Variants in FUT9 observed in about 807,000 individuals in gnomAD.
The protein encoded by FUT9 is fucosyltransferase 9.
Under a neutral mutation model 29.7 loss-of-function variants are expected in FUT9, and 15 were observed. The observed-to-expected ratio is 0.51, with a 90% CI of 0.34 to 0.78. FUT9 has a LOEUF of 0.78. Ranked by LOEUF, FUT9 falls within the 30% of genes least tolerant of loss-of-function variation. The pLI is 0.01. For synonymous variants in FUT9, 169 were observed against 153.7 expected (o/e 1.10, Z -0.74); for missense variants, 319 against 425.4 (o/e 0.75, Z 2.20).
chr6:96,035,184 G>C (rs779047615), intron 1 of FUT9, among the ~76,000 whole-genome samples: 1 of 151,514 alleles, frequency 6.6e-6, no homozygotes, highest in Non-Finnish European at 1.5e-5. Context: ...TTACACATAT[G>C]AGGAGAGGGA....
chr6:96,137,467 T>C (rs1477094928), intron 2 of FUT9, among the ~76,000 whole-genome samples: 2 of 152,024 alleles, frequency 1.3e-5, no homozygotes, highest in African/African-American at 4.8e-5. Context: ...TCCAAGTCCA[T>C]AATTGTGAGC....
intron 1 of FUT9, among the ~76,000 whole-genome samples, chr6:96,061,810 A>G (rs941822772): frequency 1.3e-5 from 2 of 152,182 alleles, no homozygotes; most frequent in Non-Finnish European, 2.9e-5. Flanking sequence ...ATCATCAGCA[A>G]ACTCAGAAAG....
chr6:96,154,439 A>C (rs1408462676), intron 2 of FUT9, among the ~76,000 whole-genome samples: 1 of 152,210 alleles, frequency 6.6e-6, no homozygotes, highest in Non-Finnish European at 1.5e-5. Context: ...TTAGTTGAAA[A>C]TTATAAGGCA....
At chr6:96,145,711 G>T (rs1444532645) in intron 2 of FUT9, among the ~76,000 whole-genome samples, 1 of 152,124 alleles carries the variant, frequency 6.6e-6, no homozygotes, top group African/African-American at 2.4e-5. Context: ...ATGTGCAAAG[G>T]CCTGAGGCAG....
In FUT9 at chr6:96,030,460, C is replaced by G. The variant is rs573671906; in HGVS notation, c.-98+14248C>G. ...GCAAAATGAAAACAGAACAAACAAA[C>G]AAAATCATGACCTTACCAAGTCCGA... On this transcript the variant is annotated intron_variant, in intron 1 of 2. Transcript: ENST00000302103. Among the ~76,000 whole-genome samples, 8 of 151,598 alleles carry G rather than the reference C, an allele frequency of 5.3e-5. No individual in the cohort carries two copies. In the East Asian group the frequency reaches 1.4e-3, roughly 26 times the overall value.
chr6:96,052,329 C>T (rs1770685525), intron 1 of FUT9, among the ~76,000 whole-genome samples: 1 of 152,006 alleles, frequency 6.6e-6, no homozygotes, highest in Non-Finnish European at 1.5e-5. Context: ...ACAGTCAAAC[C>T]ATATCAGAAA....
intron 2 of FUT9, among the ~76,000 whole-genome samples, chr6:96,167,161 A>T (rs1773029543): frequency 6.6e-6 from 1 of 152,214 alleles, no homozygotes. Context: ...AAGCAATGTA[A>T]TTAAGAATAA....
chr6:96,106,213 C>CCCTTCCTTCCTTCCTTCCTTCCTTCCTT (rs58462407), intron 1 of FUT9, among the ~76,000 whole-genome samples: 20,325 of 136,964 alleles, frequency 0.15, 2,239 homozygotes, highest in Non-Finnish European at 0.19. Flanking sequence ...AATCCATCAA[C>CCCTTCCTTCCTTCCTTCCTTCCTTCCTT]CCTTCCTTCC....
intron 2 of FUT9, among the ~76,000 whole-genome samples, chr6:96,140,668 G>A (rs144111312): frequency 2.1e-3 from 322 of 152,244 alleles, no homozygotes; most frequent in African/African-American, 6.9e-3. Flanking sequence ...GCAAAAGAAC[G>A]TATGCAAGAG....
chr6:96,062,219 T>C (rs1029313484), intron 1 of FUT9, among the ~76,000 whole-genome samples: 1 of 151,904 alleles, frequency 6.6e-6, no homozygotes, highest in Non-Finnish European at 1.5e-5. Flanking sequence ...TCTGAAAATA[T>C]ATATAAAATA....
chr6:96,054,114 A>G (rs1175348089), intron 1 of FUT9, among the ~76,000 whole-genome samples: 1 of 152,170 alleles, frequency 6.6e-6, no homozygotes, highest in Non-Finnish European at 1.5e-5. Flanking sequence ...CAGTTTCATC[A>G]AATGACCATA....
chr6:96,195,045 G>A (rs1279704943), intron 2 of FUT9, among the ~76,000 whole-genome samples: 2 of 152,152 alleles, frequency 1.3e-5, no homozygotes, highest in Non-Finnish European at 2.9e-5. Context: ...CAAACTAAAA[G>A]AGGCTAATCC....
At chr6:96,111,843 G>A (rs2127960968) in intron 1 of FUT9, among the ~76,000 whole-genome samples, 1 of 152,184 alleles carries the variant, frequency 6.6e-6, no homozygotes, top group South Asian at 2.1e-4. Flanking sequence ...ATATATGGAT[G>A]TCTATGCCTC....
At position 96,214,584 on chromosome 6, in the gene FUT9, T is replaced by G. The variant is rs1292987321; in HGVS notation, c.*10349T>G. On this transcript the variant is annotated 3_prime_UTR_variant, in exon 3 of 3. Transcript: ENST00000302103. ...TTATTCCATTTAATGAAGGGTTTGT[T>G]TTGTTTAGCTTTTCTCTTTTATTCA... The G allele has an allele frequency of 6.0e-6, 1 of 166,882 alleles. No homozygotes were observed. The highest frequency in any genetic ancestry group is 2.4e-5 in the African/African-American group (1 of 41,450). The allele number at this position is 166,882 out of a possible 1,614,324, so 10.3% of individuals were successfully genotyped here.
intron 1 of FUT9, among the ~76,000 whole-genome samples, chr6:96,055,703 C>CTTTTTT (rs760829368): frequency 2.9e-5 from 3 of 103,642 alleles, no homozygotes; most frequent in African/African-American, 1.4e-4. Context: ...TTTTCTATTT[C>CTTTTTT]TTTTTCTTTT....
At chr6:96,078,671 C>T (rs546944882) in intron 1 of FUT9, among the ~76,000 whole-genome samples, 328 of 152,010 alleles carry the variant, frequency 2.2e-3, no homozygotes, top group African/African-American at 6.4e-3. Context: ...GAGCCCGACT[C>T]GGCCTCCCAA....
intron 2 of FUT9, among the ~76,000 whole-genome samples, chr6:96,119,711 AT>A (rs1235463041): frequency 2.6e-5 from 4 of 152,134 alleles, no homozygotes; most frequent in Admixed American, 6.6e-5. Flanking sequence ...ATCTGCTGCA[AT>A]TTTTATAAGT....
At chr6:96,038,393 C>A (rs1294821946) in intron 1 of FUT9, among the ~76,000 whole-genome samples, 1 of 152,100 alleles carries the variant, frequency 6.6e-6, no homozygotes, top group Non-Finnish European at 1.5e-5. Context: ...CAAAACAAGC[C>A]AAAACCCATT....
At chr6:96,157,724 A>T (rs1260872436) in intron 2 of FUT9, among the ~76,000 whole-genome samples, 1 of 152,184 alleles carries the variant, frequency 6.6e-6, no homozygotes, top group Non-Finnish European at 1.5e-5. Context: ...GAATAAAACC[A>T]TTCCTCAGTA....
Sources: allele counts gnomAD v4.1 joint callset (sites outside exome capture counted in the v4.1 genomes callset), GRCh38; gene constraint gnomAD v4.1.1; transcripts MANE v1.5; gene names NCBI Gene and HGNC (gene_info 2026-07-23, HGNC 2026-07-21).